Variants in TNXB observed in about 807,000 individuals in gnomAD.
TNXB encodes the protein tenascin XB.
In TNXB, 183 loss-of-function variants were observed where a neutral mutation model predicts 340.5. The observed-to-expected ratio is 0.54, with a 90% CI of 0.48 to 0.61. TNXB has a LOEUF of 0.61. Among genes scored for constraint, TNXB ranks in the 20% least tolerant of loss-of-function variants. The pLI is 0.00. For missense variants in TNXB, 4,613 were observed against 5,446.4 expected (o/e 0.85, Z 4.82); for synonymous variants, 2,121 against 2,314.5 (o/e 0.92, Z 2.40).
chr6:32,062,775 G>T lies in TNXB; in HGVS notation c.6842-292C>A, dbSNP rs1562816348. On this transcript the variant is annotated intron_variant, in intron 19 of 43. Coordinates refer to ENST00000644971, the MANE Select transcript of TNXB (RefSeq NM_001365276.2). The surrounding 1 kb of genome is among the most constrained non-coding windows in gnomAD (Gnocchi z 4.3). ...ATGCTTTATAAGAACACCAACCAGG[G>T]CCGGGTGTGGTGGCTCAGGCCTGTA... 6.6e-6 allele frequency among the ~76,000 whole-genome samples: 1 copy of T among 152,244 alleles called. No individual in the cohort carries two copies. Among genetic ancestry groups the T allele is most frequent in the Non-Finnish European group, 1.5e-5 (1 of 68,042 alleles).
rs1779510121 is a variant in TNXB, at chr6:32,082,246, G to A, written c.3526C>T (p.His1176Tyr). The change falls in exon 9 of 44, where the codon CAC becomes TAC. Residue 1176 changes from histidine (H) to tyrosine (Y), a missense_variant. Physicochemically the swap from His to Tyr is moderately conservative, Grantham distance 83 (BLOSUM62 2). This residue lies in a region of TNXB where 4,327 missense variants were observed against 4,859.4 expected (regional missense o/e 0.89). Coordinates refer to ENST00000644971, the MANE Select transcript of TNXB (RefSeq NM_001365276.2). This position sits in a 1 kb window ranked among gnomAD's most constrained non-coding sequence, Gnocchi z 5.0. ...CCCTCAGGGACAGTCCAGGAGAGGTGCAGTGAATCTGGGGTAGGGTCTGTC... is the reference window on the plus strand; with the variant it reads ...CCCTCAGGGACAGTCCAGGAGAGGTACAGTGAATCTGGGGTAGGGTCTGTC... ...WVTDPTPDSL[H>Y]LSWTVPEGQF... is the part of the protein sequence containing the mutation. The A allele has an allele frequency of 6.2e-7, 1 of 1,608,920 alleles. No individual in the cohort carries two copies. The highest frequency in any genetic ancestry group is 8.5e-7 in the Non-Finnish European group (1 of 1,178,300).
At chr6:32,059,953 T>A (rs1777909634) in intron 21 of TNXB, among the ~76,000 whole-genome samples, 1 of 152,028 alleles carries the variant, frequency 6.6e-6, no homozygotes, top group Admixed American at 6.5e-5. Context: ...GCAGCCTGAC[T>A]GAGCATTTGG....
Position 32,048,442 on chromosome 6 carries a change from CG to C in TNXB, c.9965del (p.Pro3322ArgfsTer40). 1 of 1,576,200 alleles carries C rather than the reference CG, an allele frequency of 6.3e-7. No homozygotes were observed. Among genetic ancestry groups the C allele is most frequent in the South Asian group, 1.2e-5 (1 of 86,518 alleles). ...AGAGCAGGAACTTGTACTTGCGGGC[CG>C]GGTCCAGCCCCGAGACGGCGACCGC... ...LRAVAVSGLD[P>X]ARKYKFLLFG... On this transcript the variant is annotated frameshift_variant, in exon 29 of 44. Coordinates refer to ENST00000644971, the MANE Select transcript of TNXB (RefSeq NM_001365276.2). LOFTEE classifies it high-confidence loss of function.
Position 32,047,596 on chromosome 6 carries a change from C to A in TNXB, c.10324+138G>T. The stretch of plus-strand genomic sequence containing the variant: ...ATGCTTCAGAACTGTGCCTGACACA[C>A]AGAGGGACTCACTTTCGGAGTTAAG... On this transcript the variant is annotated intron_variant, in intron 30 of 43. Transcript: ENST00000644971. The surrounding 1 kb of genome is among the most constrained non-coding windows in gnomAD (Gnocchi z 6.2). 1.0e-6 allele frequency: 1 copy of A among 974,928 alleles called. No individual in the cohort carries two copies. The highest frequency in any genetic ancestry group is 1.5e-6 in the Non-Finnish European group (1 of 684,262). The allele number at this position is 974,928 out of a possible 1,614,324, so 60.4% of individuals were successfully genotyped here.
chr6:32,107,963 A>AC (rs1416063232), intron 1 of TNXB, among the ~76,000 whole-genome samples: 1 of 151,994 alleles, frequency 6.6e-6, no homozygotes, highest in Admixed American at 6.6e-5. Flanking sequence ...GAATCCAGAT[A>AC]CCCCTTATTC....
chr6:32,072,181 G>A lies in TNXB; in HGVS notation c.4799C>T (p.Pro1600Leu). 1 of 1,613,508 alleles carries A rather than the reference G, an allele frequency of 6.2e-7. No homozygotes were observed. The highest frequency in any genetic ancestry group is 8.5e-7 in the Non-Finnish European group (1 of 1,179,686). Residue 1600 changes from proline (P) to leucine (L), a missense_variant, in exon 13 of 44, where the codon CCT becomes CTT. Coordinates refer to ENST00000644971, the MANE Select transcript of TNXB (RefSeq NM_001365276.2). The surrounding 1 kb of genome is among the most constrained non-coding windows in gnomAD (Gnocchi z 4.4). ...CACAAAGGAGTCGAATTCACCCTCA[G>A]GGACTGTCCATGAGAGGCCCACAGA... ...PDSVGLSWTV[P>L]EGEFDSFVVQ... is the part of the protein sequence containing the mutation.
At chr6:32,063,964 G>A (rs1778176868) in intron 19 of TNXB, among the ~76,000 whole-genome samples, 1 of 151,998 alleles carries the variant, frequency 6.6e-6, no homozygotes, top group Non-Finnish European at 1.5e-5. Context: ...AAAATAAATG[G>A]GTATTAATTT....
At position 32,095,627 on chromosome 6, in the gene TNXB, G is replaced by T; in HGVS notation, c.2226C>A (p.Gly742=). The change falls in exon 3 of 44, where the codon GGC becomes GGA. Residue 742 remains glycine (G), a synonymous_variant. Transcript: ENST00000644971. ...CCTGCTCACCTTCTCCGCAGTCTTCGCCAGCATACCCATCTTTGCAGACAC... is the reference window on the plus strand; with the variant it reads ...CCTGCTCACCTTCTCCGCAGTCTTCTCCAGCATACCCATCTTTGCAGACAC... ...GSCVCKDGYA[G]EDCGEEVPTI... The T allele has an allele frequency of 2.5e-6, 4 of 1,612,726 alleles. No individual in the cohort carries two copies. Among genetic ancestry groups the T allele is most frequent in the South Asian group, 1.1e-5 (1 of 91,036 alleles).
rs752629910 is a variant in TNXB at position 32,067,997 on chromosome 6, AAG to A, written c.6221-15_6221-14del. On this transcript the variant is annotated splice_polypyrimidine_tract_variant and intron_variant, in intron 17 of 43. Transcript: ENST00000644971. The surrounding 1 kb of genome is among the most constrained non-coding windows in gnomAD (Gnocchi z 4.2). ...TCTTCCTCTGCAGCTGAGAAGGAGG[AAG>A]AGAGAGTGAGGGGGATGTCCTTGGG... 6.2e-7 allele frequency: 1 copy of A among 1,607,912 alleles called. No individual in the cohort carries two copies. The highest frequency in any genetic ancestry group is 8.5e-7 in the Non-Finnish European group (1 of 1,176,752).
Position 32,079,319 on chromosome 6 carries a change from G to C in TNXB, c.4089C>G (p.Gly1363=). The change falls in exon 11 of 44, where the codon GGC becomes GGG. Residue 1363 remains glycine (G), a synonymous_variant. Transcript: ENST00000644971. This position sits in a 1 kb window ranked among gnomAD's most constrained non-coding sequence, Gnocchi z 7.1. Reference sequence around the variant, plus strand: ...CCTCGGGGGACTCCGGGGCCTCCGTGCCCAGTTCTGTGGGGCTGGGGGTCT... The same window carrying C: ...CCTCGGGGGACTCCGGGGCCTCCGTCCCCAGTTCTGTGGGGCTGGGGGTCT... ...VDETPSPTEL[G]TEAPESPEEP... 1 of 1,612,462 alleles carries C rather than the reference G, an allele frequency of 6.2e-7. No individual in the cohort carries two copies. The highest frequency in any genetic ancestry group is 8.5e-7 in the Non-Finnish European group (1 of 1,179,582).
Position 32,056,666 on chromosome 6 carries a change from G to A in TNXB, c.8063C>T (p.Pro2688Leu), listed in dbSNP as rs1299242181. The change falls in exon 23 of 44, where the codon CCA (proline) becomes CTA (leucine). Residue 2688 changes from proline to leucine, a missense_variant. Physicochemically the swap from Pro to Leu is moderately conservative, Grantham distance 98. Transcript: ENST00000644971. ...EDGVTISGLE[P>L]DHKYKMNLYG... ...CAGGTTCATCTTGTATTTATGGTCT[G>A]GCTCCAGGCCTGAGATGGTGACCCC... The A allele has an allele frequency of 1.2e-6, 2 of 1,612,996 alleles. No homozygotes were observed. Among genetic ancestry groups the A allele is most frequent in the African/African-American group, 2.7e-5 (2 of 74,938 alleles).
At position 32,046,723 on chromosome 6, in the gene TNXB, G is replaced by T. The variant is rs1049898699; in HGVS notation, c.10325-267C>A. The T allele has an allele frequency of 2.6e-6, 1 of 391,806 alleles. No homozygotes were observed. Among genetic ancestry groups the T allele is most frequent in the South Asian group, 9.0e-5 (1 of 11,122 alleles). 24.3% of individuals were successfully genotyped at this position (391,806 alleles called of 1,614,324 possible). Reference sequence around the variant, plus strand: ...TCGAGGATGCGCCAAATTCATTACAGATCATCTCCCGAGGGATGGGTGGCT... The same window carrying T: ...TCGAGGATGCGCCAAATTCATTACATATCATCTCCCGAGGGATGGGTGGCT... On this transcript the variant is annotated intron_variant, in intron 30 of 43. Transcript: ENST00000644971. This position sits in a 1 kb window ranked among gnomAD's most constrained non-coding sequence, Gnocchi z 6.9.
At position 32,046,973 on chromosome 6, in the gene TNXB, C is replaced by T. The variant is rs1776928693; in HGVS notation, c.10325-517G>A. ...TCAGCCTGAACATCCGTGCCTCCTG[C>T]TTCCCCAGCCCCACACTGACCCCAC... is the stretch of plus-strand genomic sequence containing the variant. On this transcript the variant is annotated intron_variant, in intron 30 of 43. Coordinates refer to ENST00000644971, the MANE Select transcript of TNXB (RefSeq NM_001365276.2). This position sits in a 1 kb window ranked among gnomAD's most constrained non-coding sequence, Gnocchi z 6.9. Among the ~76,000 whole-genome samples, 1 of 152,248 alleles carries T rather than the reference C, an allele frequency of 6.6e-6. No homozygotes were observed. Among genetic ancestry groups the T allele is most frequent in the Non-Finnish European group, 1.5e-5 (1 of 68,044 alleles).
rs747234859 is a variant in TNXB, at chr6:32,068,380, A to G, written c.6220+10T>C. On this transcript the variant is annotated intron_variant, in intron 17 of 43. Coordinates refer to ENST00000644971, the MANE Select transcript of TNXB (RefSeq NM_001365276.2). The surrounding 1 kb of genome is among the most constrained non-coding windows in gnomAD (Gnocchi z 5.3). ...TGGCTCCCACCCTGGGGCTCCCATC[A>G]TCCACTCACCTGTCACCCCGACGAC... The G allele has an allele frequency of 3.7e-6, 6 of 1,612,220 alleles. No individual in the cohort carries two copies. Among genetic ancestry groups the G allele is most frequent in the Non-Finnish European group, 5.1e-6 (6 of 1,178,752 alleles).
chr6:32,074,838 G>A lies in TNXB; in HGVS notation c.4376-886C>T, dbSNP rs949557519. Among the ~76,000 whole-genome samples, 4 of 152,088 alleles carry A rather than the reference G, an allele frequency of 2.6e-5. No homozygotes were observed. Among genetic ancestry groups the A allele is most frequent in the African/African-American group, 7.2e-5 (3 of 41,416 alleles). The stretch of plus-strand genomic sequence containing the variant: ...TGGGATTACAGGCATGTGCCACCAC[G>A]TCCGGCTAATTTTGTATTTTCAGTA... On this transcript the variant is annotated intron_variant, in intron 11 of 43. Transcript: ENST00000644971. The surrounding 1 kb of genome is among the most constrained non-coding windows in gnomAD (Gnocchi z 5.5).
chr6:32,049,852 G>C lies in TNXB; in HGVS notation c.9439+146C>G. ...GGGGAGCCAGGGGTCAACCACATAGGAAGGCCCAAGGGGAGTCCCAGCCCC... is the reference window on the plus strand; with the variant it reads ...GGGGAGCCAGGGGTCAACCACATAGCAAGGCCCAAGGGGAGTCCCAGCCCC... On this transcript the variant is annotated intron_variant, in intron 27 of 43. Coordinates refer to ENST00000644971, the MANE Select transcript of TNXB (RefSeq NM_001365276.2). The surrounding 1 kb of genome is among the most constrained non-coding windows in gnomAD (Gnocchi z 4.5). 2 of 1,343,374 alleles carry C rather than the reference G, an allele frequency of 1.5e-6. No individual in the cohort carries two copies. Among genetic ancestry groups the C allele is most frequent in the Non-Finnish European group, 2.0e-6 (2 of 978,154 alleles). The allele number at this position is 1,343,374 out of a possible 1,614,324, so 83.2% of individuals were successfully genotyped here.
chr6:32,072,067 G>A lies in TNXB; in HGVS notation c.4913C>T (p.Ser1638Phe), dbSNP rs370049143. The A allele has an allele frequency of 1.9e-6, 3 of 1,612,696 alleles. No homozygotes were observed. The highest frequency in any genetic ancestry group is 2.5e-6 in the Non-Finnish European group (3 of 1,179,434). The part of the protein sequence containing the change: ...REVTIPDLEP[S>F]RKYKFLLFGI... ...AAAGAGCAGGAACTTGTACTTGCGG[G>A]AGGGTTCCAGGTCAGGGATAGTGAC... Residue 1638 changes from serine to phenylalanine, a missense_variant, in exon 13 of 44, where the codon TCC (serine) becomes TTC (phenylalanine). Transcript: ENST00000644971. This position sits in a 1 kb window ranked among gnomAD's most constrained non-coding sequence, Gnocchi z 4.4.
At position 32,058,282 on chromosome 6, in the gene TNXB, G is replaced by A; in HGVS notation, c.7601C>T (p.Ser2534Phe). Residue 2534 changes from serine to phenylalanine, a missense_variant, in exon 22 of 44, where the codon TCC (serine) becomes TTC (phenylalanine). Ser to Phe is a radical substitution (Grantham distance 155, BLOSUM62 -2). Coordinates refer to ENST00000644971, the MANE Select transcript of TNXB (RefSeq NM_001365276.2). This position sits in a 1 kb window ranked among gnomAD's most constrained non-coding sequence, Gnocchi z 5.1. ...CCAGGAAAGGCTCAGCGAGTCAGGG[G>A]AGGATCCTGTCACTGTCAGCTCCCC... is the stretch of plus-strand genomic sequence containing the variant. Reference protein sequence around the residue: ...LLGELTVTGSSPDSLSLSWTV... With the variant: ...LLGELTVTGSFPDSLSLSWTV... 6.2e-7 allele frequency: 1 copy of A among 1,612,392 alleles called. No homozygotes were observed. The highest frequency in any genetic ancestry group is 8.5e-7 in the Non-Finnish European group (1 of 1,179,848).
At chr6:32,071,433 C>A (rs1389540301) in intron 13 of TNXB, among the ~76,000 whole-genome samples, 1 of 152,108 alleles carries the variant, frequency 6.6e-6, no homozygotes, top group Admixed American at 6.5e-5. Flanking sequence ...GCTCCCACAT[C>A]CACCCTGCAG....
Sources: allele counts gnomAD v4.1 joint callset (sites outside exome capture counted in the v4.1 genomes callset), GRCh38; gene constraint gnomAD v4.1.1; regional missense constraint gnomAD v4.1.1; non-coding constraint Gnocchi (gnomAD v3.1); transcripts MANE v1.5; gene names NCBI Gene and HGNC (gene_info 2026-07-23, HGNC 2026-07-21).